The following PDE8A variants were observed in gnomAD, a reference collection of about 807,000 sequenced individuals.
PDE8A encodes the protein high affinity cAMP-specific and IBMX-insensitive 3',5'-cyclic phosphodiesterase 8A.
PDE8A carries 59 observed loss-of-function variants against 105.0 expected under a neutral mutation model. The observed-to-expected ratio is 0.56, with a 90% confidence interval of 0.46 to 0.70. The LOEUF is 0.70. Among genes scored for constraint, PDE8A ranks in the 30% least tolerant of loss-of-function variants. The probability of loss-of-function intolerance (pLI) is 0.00; values close to 1 mark genes in which losing one functional copy is unlikely to be tolerated. For synonymous variants in PDE8A, 355 were observed against 371.9 expected, an observed-to-expected ratio of 0.95 and a Z score of 0.52; for missense variants, 1,014 against 1,045.9, an observed-to-expected ratio of 0.97 and a Z score of 0.42.
chr15:85,134,803 G>A (rs1055868316), intron 20 of PDE8A, among the ~76,000 whole-genome samples: 1 of 152,132 alleles, frequency 6.6e-6, no homozygotes, highest in Non-Finnish European at 1.5e-5. Flanking sequence ...GTGAGTTGTT[G>A]TGCACAGGGC....
At position 85,008,687 on chromosome 15, in the gene PDE8A, G is replaced by C. The variant is rs188094974; in HGVS notation, c.186+26339G>C. Among the ~76,000 whole-genome samples the C allele has an allele frequency of 3.0e-3, 457 of 152,254 alleles. 2 individuals are homozygous for C. The highest frequency in any genetic ancestry group is 0.01 in the African/African-American group (429 of 41,550). ...ACCCTTTTCTGACTCCAGGCCCCAA[G>C]GGTGCGAGCCTATCACCTGATATGA... On this transcript the variant is annotated intron_variant, in intron 1 of 21. Coordinates refer to ENST00000394553, the MANE Select transcript of PDE8A (RefSeq NM_002605.3).
chr15:85,103,826 T>C (rs1366159263), intron 11 of PDE8A, among the ~76,000 whole-genome samples: 1 of 152,154 alleles, frequency 6.6e-6, no homozygotes, highest in Non-Finnish European at 1.5e-5. Flanking sequence ...GTAGCATAGC[T>C]TCTTCACACC....
rs1374170988 is a variant in PDE8A at position 85,098,041 on chromosome 15, G to A, written c.941+5G>A. 2.0e-6 allele frequency: 3 copies of A among 1,525,572 alleles called. No individual in the cohort carries two copies. The Admixed American group carries it at 5.1e-5, about 26-fold the overall frequency. The allele number at this position is 1,525,572 out of a possible 1,614,324, so 94.5% of individuals were successfully genotyped here. A position where few individuals can be genotyped will look rare whatever the true frequency, so the allele number is the denominator to read the frequency against. On this transcript the variant is annotated splice_donor_5th_base_variant and intron_variant, in intron 9 of 21. Coordinates refer to ENST00000394553, the MANE Select transcript of PDE8A (RefSeq NM_002605.3). ...ACCTGTCATTGGACAGGGAGGGTAA[G>A]TGGAAAAAACAAGTACATCAATCAA...
At chr15:85,066,813 C>T (rs113943946) in intron 2 of PDE8A, among the ~76,000 whole-genome samples, 13,432 of 152,008 alleles carry the variant, frequency 0.088, 1,647 homozygotes, top group African/African-American at 0.28. Flanking sequence ...GTGGCATGTG[C>T]CTGTGGCCCA....
In PDE8A at chr15:85,116,189, G is replaced by A. The variant is rs920528732; in HGVS notation, c.1535+70G>A. On this transcript the variant is annotated intron_variant, in intron 16 of 21. Coordinates refer to ENST00000394553, the MANE Select transcript of PDE8A (RefSeq NM_002605.3). ...GGCCTGTGTGAGGAGGCTACCTGAG[G>A]AGTATGGATTGTGCACAAGCCTGGT... is the stretch of plus-strand genomic sequence containing the variant. 6 of 1,513,692 alleles carry A rather than the reference G, an allele frequency of 4.0e-6. No homozygotes were observed. In the African/African-American group the frequency reaches 6.9e-5, roughly 17 times the overall value. The allele number at this position is 1,513,692 out of a possible 1,614,324, so 93.8% of individuals were successfully genotyped here.
intron 1 of PDE8A, among the ~76,000 whole-genome samples, chr15:85,026,764 CAAAACAA>C (rs371422279): frequency 1.3e-5 from 2 of 151,556 alleles, no homozygotes; most frequent in Admixed American, 6.6e-5. Flanking sequence ...GGCCCTGTCT[CAAAACAA>C]AAAACAAAAC....
At chr15:85,013,642 AACAAATT>A (rs1317314874) in intron 1 of PDE8A, among the ~76,000 whole-genome samples, 1 of 152,234 alleles carries the variant, frequency 6.6e-6, no homozygotes, top group Non-Finnish European at 1.5e-5. Context: ...TTTGTTGCAT[AACAAATT>A]ACCCCAAAGT....
intron 1 of PDE8A, among the ~76,000 whole-genome samples, chr15:84,989,125 T>G (rs2079847871): frequency 6.6e-6 from 1 of 152,238 alleles, no homozygotes; most frequent in African/African-American, 2.4e-5. Context: ...TGTTCTACTT[T>G]TGTTCTGCTC....
In PDE8A at chr15:84,982,289, C is replaced by A; in HGVS notation, c.127C>A (p.Pro43Thr). 1 of 1,385,232 alleles carries A rather than the reference C, an allele frequency of 7.2e-7. No individual in the cohort carries two copies. The highest frequency in any genetic ancestry group is 9.3e-7 in the Non-Finnish European group (1 of 1,079,860). 85.8% of individuals were successfully genotyped at this position (1,385,232 alleles called of 1,614,324 possible). Reference sequence around the variant, plus strand: ...GCAGGGCCAGAAGACGGCCGCCTTGCCCCGGACCCGCGGCGCCGGCCTCTT... The same window carrying A: ...GCAGGGCCAGAAGACGGCCGCCTTGACCCGGACCCGCGGCGCCGGCCTCTT... ...LPQGQKTAAL[P>T]RTRGAGLLES... The change falls in exon 1 of 22, where the codon CCC becomes ACC. Residue 43 changes from proline (P) to threonine (T), a missense_variant. Transcript: ENST00000394553.
At position 85,091,157 on chromosome 15, in the gene PDE8A, A is replaced by G; in HGVS notation, c.828A>G (p.Ile276Met). 1 of 1,612,198 alleles carries G rather than the reference A, an allele frequency of 6.2e-7. No individual in the cohort carries two copies. Among genetic ancestry groups the G allele is most frequent in the Non-Finnish European group, 8.5e-7 (1 of 1,179,304 alleles). ...AAAAGGCTGACTTGCTCGATACTAT[A>G]AATTCATGCATCAGGATAGGCAAGG... ...NEKKADLLDT[I>M]NSCIRIGKEW... The change falls in exon 8 of 22, where the codon ATA becomes ATG. Residue 276 changes from isoleucine to methionine, a missense_variant. Coordinates refer to ENST00000394553, the MANE Select transcript of PDE8A (RefSeq NM_002605.3).
At chr15:85,048,826 C>T (rs1369192262) in intron 1 of PDE8A, among the ~76,000 whole-genome samples, 4 of 152,182 alleles carry the variant, frequency 2.6e-5, no homozygotes, top group Admixed American at 6.5e-5. Flanking sequence ...CAAAGCCGGG[C>T]GCGGTGGCTC....
chr15:85,032,704 G>A (rs570039500), intron 1 of PDE8A, among the ~76,000 whole-genome samples: 8 of 152,224 alleles, frequency 5.3e-5, no homozygotes, highest in Non-Finnish European at 8.8e-5. Context: ...ATTTAGATCT[G>A]TATTTTCAAG....
intron 8 of PDE8A, 90 bp downstream of exon 8, chr15:85,091,271 T>C: frequency 8.7e-7 from 1 of 1,148,230 alleles, no homozygotes; most frequent in Non-Finnish European, 1.2e-6. Context: ...GTAATCTTAA[T>C]CTTACTCCTC....
At chr15:85,039,124 GA>G (rs35924887) in intron 1 of PDE8A, among the ~76,000 whole-genome samples, 110,455 of 143,470 alleles carry the variant, frequency 0.77, 42,047 homozygotes, top group African/African-American at 0.83. Flanking sequence ...TCCATCTCAA[GA>G]AAAAAAAAAA....
chr15:84,997,743 C>A (rs2080003115), intron 1 of PDE8A, among the ~76,000 whole-genome samples: 1 of 152,086 alleles, frequency 6.6e-6, no homozygotes, highest in East Asian at 1.9e-4. Context: ...CAGGTGCATG[C>A]CACCATGCCA....
intron 8 of PDE8A, among the ~76,000 whole-genome samples, chr15:85,092,325 G>GTTT (rs146879205): frequency 7.4e-6 from 1 of 135,728 alleles, no homozygotes; most frequent in Non-Finnish European, 1.5e-5. Context: ...TTTTTTTGTT[G>GTTT]TTGTTTTTTT....
intron 1 of PDE8A, among the ~76,000 whole-genome samples, chr15:85,026,134 T>A (rs2080512379): frequency 6.6e-6 from 1 of 152,190 alleles, no homozygotes; most frequent in South Asian, 2.1e-4. Flanking sequence ...CTAGCACTAT[T>A]GTTCCAGTTA....
At chr15:85,109,491 TAGAG>T in intron 12 of PDE8A, among the ~76,000 whole-genome samples, 1 of 152,252 alleles carries the variant, frequency 6.6e-6, no homozygotes, top group Admixed American at 6.5e-5. Flanking sequence ...TGGAAACTTT[TAGAG>T]AGAGGTGAGC....
At chr15:85,096,926 C>G (rs979856278) in intron 8 of PDE8A, among the ~76,000 whole-genome samples, 1 of 152,148 alleles carries the variant, frequency 6.6e-6, no homozygotes, top group Non-Finnish European at 1.5e-5. Flanking sequence ...AAGATGAGCT[C>G]TTATCATTGG....
Sources: gnomAD v4.1 joint callset for allele counts (sites outside exome capture counted in the v4.1 genomes callset) on GRCh38, gnomAD v4.1.1 for gene constraint, MANE v1.5 for transcripts, NCBI Gene and HGNC (gene_info 2026-07-23, HGNC 2026-07-21) for gene names.